Variants in PODXL observed in about 807,000 individuals in gnomAD.
PODXL encodes the protein podocalyxin.
In PODXL, 20 loss-of-function variants were observed where a neutral mutation model predicts 48.9. That is an observed-to-expected ratio of 0.41 (90% CI 0.29 to 0.59). The LOEUF (loss-of-function observed/expected upper bound fraction) is 0.59. PODXL is among the 20% of genes least tolerant of loss of function. The pLI, the probability that PODXL is intolerant of heterozygous loss-of-function variation, is 0.31. For missense variants in PODXL, 606 were observed against 675.1 expected (o/e 0.90, Z 1.13); for synonymous variants, 295 against 287.4 (o/e 1.03, Z -0.27).
At chr7:131,534,326 G>A (rs373679524) in intron 1 of PODXL, among the ~76,000 whole-genome samples, 7 of 152,244 alleles carry the variant, frequency 4.6e-5, no homozygotes, top group Non-Finnish European at 8.8e-5. Context: ...CAGGCCTGGG[G>A]GACCCCAACT....
At chr7:131,514,101 G>T (rs897664252) in intron 1 of PODXL, among the ~76,000 whole-genome samples, 5 of 152,128 alleles carry the variant, frequency 3.3e-5, no homozygotes, top group African/African-American at 1.2e-4. Flanking sequence ...AGTATGAAAG[G>T]CACACTCACC....
chr7:131,524,373 CACACACAGAGAGAG>C (rs1490189631), intron 1 of PODXL, among the ~76,000 whole-genome samples: 5 of 31,276 alleles, frequency 1.6e-4, no homozygotes, highest in African/African-American at 3.2e-4. Context: ...CACACACACA[CACACACAGAGAGAG>C]AGAGAGAGAG....
intron 1 of PODXL, among the ~76,000 whole-genome samples, chr7:131,544,077 C>A (rs1355534716): frequency 1.3e-5 from 2 of 152,212 alleles, no homozygotes; most frequent in South Asian, 2.1e-4. Context: ...GAAACTGAGG[C>A]CTGCAGGGAG....
chr7:131,504,575 TAC>T, intron 8 of PODXL, 67 bp from the exon 9 acceptor site: 2 of 1,309,318 alleles, frequency 1.5e-6, no homozygotes, highest in Non-Finnish European at 2.2e-6. Flanking sequence ...ACAGCGCATG[TAC>T]GTACCCCTCC....
chr7:131,529,178 G>A (rs1303341004), intron 1 of PODXL, among the ~76,000 whole-genome samples: 88 of 152,316 alleles, frequency 5.8e-4, no homozygotes, highest in Non-Finnish European at 1.2e-4. Flanking sequence ...TTAAGATGGA[G>A]AGGATGGAGT....
At chr7:131,523,185 C>T (rs533491895) in intron 1 of PODXL, among the ~76,000 whole-genome samples, 6 of 152,266 alleles carry the variant, frequency 3.9e-5, no homozygotes, top group Middle Eastern at 3.4e-3. Context: ...AGATCCTTGC[C>T]AACAGTTATC....
chr7:131,541,571 G>A (rs1392239571), intron 1 of PODXL, among the ~76,000 whole-genome samples: 5 of 151,416 alleles, frequency 3.3e-5, no homozygotes, highest in African/African-American at 1.2e-4. Flanking sequence ...CTCTAATCCC[G>A]CTCCTCGGAA....
At chr7:131,555,866 T>G (rs1798733336) in intron 1 of PODXL, among the ~76,000 whole-genome samples, 1 of 152,208 alleles carries the variant, frequency 6.6e-6, no homozygotes. Flanking sequence ...GAATACACAC[T>G]ACAGCCCCTC....
In PODXL at chr7:131,511,301, A is replaced by C; in HGVS notation, c.233T>G (p.Val78Gly). 1 of 1,613,480 alleles carries C rather than the reference A, an allele frequency of 6.2e-7. No homozygotes were observed. Among genetic ancestry groups the C allele is most frequent in the Non-Finnish European group, 8.5e-7 (1 of 1,179,880 alleles). ...TSKANEILAS[V>G]KATTLGVSSD... Reference sequence around the variant, plus strand: ...GGATACACCAAGGGTGGTCGCCTTGACCGAGGCCAAGATTTCGTTGGCCTT... The same window carrying C: ...GGATACACCAAGGGTGGTCGCCTTGCCCGAGGCCAAGATTTCGTTGGCCTT... The change falls in exon 2 of 9, where the codon GTC becomes GGC. Residue 78 changes from valine (V) to glycine (G), a missense_variant. Physicochemically the swap from Val to Gly is moderately radical, Grantham distance 109. Transcript: ENST00000378555.
Position 131,517,500 on chromosome 7 carries a change from G to A in PODXL, c.101-6067C>T, listed in dbSNP as rs527611957. The stretch of plus-strand genomic sequence containing the variant: ...AGACTCAGCGTTCCTTGAATGAATC[G>A]TGCATTTCTTTTCCATGGCTGCGTT... On this transcript the variant is annotated intron_variant, in intron 1 of 8. Transcript: ENST00000378555. 2.6e-5 allele frequency among the ~76,000 whole-genome samples: 4 copies of A among 152,270 alleles called. 1 individual carries two copies. In the South Asian group the frequency reaches 6.2e-4, roughly 24 times the overall value.
At chr7:131,542,044 A>G (rs906017861) in intron 1 of PODXL, among the ~76,000 whole-genome samples, 1 of 152,172 alleles carries the variant, frequency 6.6e-6, no homozygotes, top group African/African-American at 2.4e-5. Flanking sequence ...ACAGCTGTGA[A>G]CTCACAGCTC....
chr7:131,548,805 T>TG (rs1310302685), intron 1 of PODXL, among the ~76,000 whole-genome samples: 2 of 126,806 alleles, frequency 1.6e-5, no homozygotes, highest in African/African-American at 5.6e-5. Flanking sequence ...CAGGAATCCC[T>TG]GCTCCTTCCT....
At chr7:131,537,894 G>A (rs1798405142) in intron 1 of PODXL, among the ~76,000 whole-genome samples, 1 of 152,138 alleles carries the variant, frequency 6.6e-6, no homozygotes, top group Non-Finnish European at 1.5e-5. Flanking sequence ...GTGTGCGGTC[G>A]CAGACTGTTC....
At chr7:131,524,612 G>A (rs549863038) in intron 1 of PODXL, among the ~76,000 whole-genome samples, 14 of 152,012 alleles carry the variant, frequency 9.2e-5, no homozygotes, top group African/African-American at 2.7e-4. Context: ...ACAAACTGAC[G>A]ATCCCAAATG....
Position 131,544,332 on chromosome 7 carries a change from TGTGTCAACA to T in PODXL, c.100+11919_100+11927del, listed in dbSNP as rs1343397505. On this transcript the variant is annotated intron_variant, in intron 1 of 8. Transcript: ENST00000378555. ...CCTGTGGCATTCAGAGATGTGATTC[TGTGTCAACA>T]GGACCAGACTTCCAGATTCATCCAG... 6.6e-5 allele frequency among the ~76,000 whole-genome samples: 10 copies of T among 152,340 alleles called. No homozygotes were observed. In the East Asian group the frequency reaches 1.9e-3, roughly 29 times the overall value.
chr7:131,536,296 G>A (rs974869961), intron 1 of PODXL, among the ~76,000 whole-genome samples: 22 of 152,198 alleles, frequency 1.4e-4, no homozygotes, highest in African/African-American at 5.1e-4. Context: ...AATAATAGAT[G>A]CCAGGGGAGA....
Position 131,524,368 on chromosome 7 carries a change from A to ACG in PODXL, c.101-12936_101-12935insCG, listed in dbSNP as rs1554385082. 1.6e-3 allele frequency among the ~76,000 whole-genome samples: 181 copies of ACG among 112,550 alleles called. 2 individuals are homozygous for ACG. Among genetic ancestry groups the ACG allele is most frequent in the South Asian group, 5.8e-3 (18 of 3,108 alleles). 73.8% of individuals were successfully genotyped at this position (112,550 alleles called of 152,430 possible). On this transcript the variant is annotated intron_variant, in intron 1 of 8. Coordinates refer to ENST00000378555, the MANE Select transcript of PODXL (RefSeq NM_001018111.3). Reference sequence around the variant, plus strand: ...AGGAAACACACACACACACGCACACACACACACACACAGAGAGAGAGAGAG... The same window carrying ACG: ...AGGAAACACACACACACACGCACACACGCACACACACACAGAGAGAGAGAGAG...
chr7:131,551,624 C>T (rs1046493564), intron 1 of PODXL, among the ~76,000 whole-genome samples: 3 of 152,182 alleles, frequency 2.0e-5, no homozygotes, highest in Admixed American at 2.0e-4. Context: ...GACACGATTC[C>T]TCCCACTTCC....
chr7:131,549,938 T>C (rs2116869793), intron 1 of PODXL, among the ~76,000 whole-genome samples: 1 of 152,232 alleles, frequency 6.6e-6, no homozygotes, highest in South Asian at 2.1e-4. Flanking sequence ...CAACCTTAGC[T>C]GGGGGACCCT....
Sources: gnomAD v4.1 joint callset for allele counts (sites outside exome capture counted in the v4.1 genomes callset) on GRCh38, gnomAD v4.1.1 for gene constraint, MANE v1.5 for transcripts, NCBI Gene and HGNC (gene_info 2026-07-23, HGNC 2026-07-21) for gene names.